Variants in ZFAND2A observed in about 807,000 individuals in gnomAD.
The protein encoded by ZFAND2A is zinc finger AN1-type containing 2A.
A neutral mutation model predicts 11.6 loss-of-function variants in ZFAND2A; 20 were observed. The observed-to-expected ratio is 1.72, with a 90% CI of 1.21 to 2.50. The LOEUF is 2.50. ZFAND2A is among the 30% of genes most tolerant of loss of function. The pLI, the probability that ZFAND2A is intolerant of heterozygous loss-of-function variation, is 0.00. For synonymous variants in ZFAND2A, 93 were observed against 60.6 expected (o/e 1.54, Z -2.48); for missense variants, 234 against 182.9 (o/e 1.28, Z -1.61).
intron 1 of ZFAND2A, among the ~76,000 whole-genome samples, chr7:1,159,449 G>A (rs1366031574): frequency 2.0e-5 from 3 of 150,184 alleles, no homozygotes; most frequent in Non-Finnish European, 3.0e-5. Flanking sequence ...CCAGCAGACA[G>A]CCGGACTCCC....
At chr7:1,152,390 G>C (rs201869709), downstream of ZFAND2A, 16 of 1,480,636 alleles carry the variant, frequency 1.1e-5, no homozygotes, top group Non-Finnish European at 1.5e-5. Context: ...TGTGCTGACC[G>C]CAAGAACCCA....
Position 1,158,269 on chromosome 7 carries a change from T to G in ZFAND2A, c.-45-12A>C. The G allele has an allele frequency of 6.5e-7, 1 of 1,531,970 alleles. No homozygotes were observed. Among genetic ancestry groups the G allele is most frequent in the South Asian group, 1.1e-5 (1 of 88,186 alleles). The allele number at this position is 1,531,970 out of a possible 1,614,324, so 94.9% of individuals were successfully genotyped here. On this transcript the variant is annotated splice_polypyrimidine_tract_variant and intron_variant, in intron 1 of 4. Transcript: ENST00000316495. ...GAGTTAAGTGTCACCTACAAGAGAA[T>G]CAGAATAGTTAGGAGGAAAGCTGGA...
chr7:1,155,019 G>A (rs1438942123), intron 4 of ZFAND2A, among the ~76,000 whole-genome samples: 1 of 152,232 alleles, frequency 6.6e-6, no homozygotes, highest in Non-Finnish European at 1.5e-5. Context: ...TCGGGAGGCT[G>A]AGACAGGAGA....
At chr7:1,157,788 G>A (rs770257284) in intron 2 of ZFAND2A, 38 bp from the exon 3 acceptor site, 3 of 1,442,446 alleles carry the variant, frequency 2.1e-6, no homozygotes, top group East Asian at 2.4e-5. Context: ...TTAACGACTG[G>A]AACAAAATAC....
In ZFAND2A at chr7:1,160,117, C is replaced by T. The variant is rs1188735132; in HGVS notation, c.-199G>A. The T allele has an allele frequency of 1.3e-5, 2 of 152,820 alleles. No homozygotes were observed. Among genetic ancestry groups the T allele is most frequent in the Non-Finnish European group, 2.9e-5 (2 of 68,272 alleles). 9.5% of individuals were successfully genotyped at this position (152,820 alleles called of 1,614,324 possible). A position where few individuals can be genotyped will look rare whatever the true frequency, so the allele number is the denominator to read the frequency against. ...GCCGTCGGAGGCACACCCACACCCACACCGGAACGCAACATCTCGCTGCCC... is the reference window on the plus strand; with the variant it reads ...GCCGTCGGAGGCACACCCACACCCATACCGGAACGCAACATCTCGCTGCCC... On this transcript the variant is annotated 5_prime_UTR_variant, in exon 1 of 5. It adds an upstream start codon to the 5' untranslated region. Transcript: ENST00000316495.
downstream of ZFAND2A, among the ~76,000 whole-genome samples, chr7:1,151,809 G>T (rs1043086081): frequency 6.9e-6 from 1 of 145,270 alleles, no homozygotes; most frequent in African/African-American, 2.6e-5. Context: ...GGGGATTCCC[G>T]TGAAGATGGC....
chr7:1,159,751 G>A (rs1407904562), intron 1 of ZFAND2A, among the ~76,000 whole-genome samples: 21 of 106,012 alleles, frequency 2.0e-4, no homozygotes, highest in Non-Finnish European at 3.1e-4. Flanking sequence ...CGGCAGGCCC[G>A]GTCCCCAGCA....
At chr7:1,158,086 G>T in intron 2 of ZFAND2A, 72 bp downstream of exon 2, 1 of 1,438,602 alleles carries the variant, frequency 7.0e-7, no homozygotes, top group Non-Finnish European at 9.8e-7. Flanking sequence ...ACAATTATCA[G>T]CTAATTAACA....
rs762274671 is a variant in ZFAND2A, at chr7:1,158,190, T to G, written c.23A>C (p.Lys8Thr). MEFPDLG[K>T]HCSEKTCKQL... ...CTTGCAAGTCTTTTCTGAACAATGC[T>G]TCCCCAAATCAGGAAACTCCATTAT... The change falls in exon 2 of 5, where the codon AAG becomes ACG. Residue 8 changes from lysine to threonine, a missense_variant. Physicochemically the swap from Lys to Thr is moderately conservative, Grantham distance 78 (BLOSUM62 -1). Transcript: ENST00000316495. 2 of 1,614,182 alleles carry G rather than the reference T, an allele frequency of 1.2e-6. No homozygotes were observed. Among genetic ancestry groups the G allele is most frequent in the East Asian group, 4.5e-5 (2 of 44,888 alleles).
At chr7:1,158,012 T>C in intron 2 of ZFAND2A, 146 bp downstream of exon 2, 1 of 862,138 alleles carries the variant, frequency 1.2e-6, no homozygotes, top group Non-Finnish European at 1.8e-6. Context: ...TGGTGGATGC[T>C]AAGTGTCAAA....
intron 1 of ZFAND2A, 46 bp from the exon 2 acceptor site, chr7:1,158,303 C>T: frequency 8.6e-7 from 1 of 1,157,028 alleles, no homozygotes; most frequent in Non-Finnish European, 1.3e-6. Context: ...GACTGCCCTT[C>T]AGTCACCAGG....
At chr7:1,158,010 G>T in intron 2 of ZFAND2A, 148 bp downstream of exon 2, 1 of 849,090 alleles carries the variant, frequency 1.2e-6, no homozygotes, top group Non-Finnish European at 1.9e-6. Flanking sequence ...TCTGGTGGAT[G>T]CTAAGTGTCA....
chr7:1,148,957 C>T (rs1342679914), downstream of ZFAND2A, among the ~76,000 whole-genome samples: 1 of 150,692 alleles, frequency 6.6e-6, no homozygotes, highest in African/African-American at 2.4e-5. Flanking sequence ...CATGCACCAT[C>T]TGTCTGGCTA....
At chr7:1,152,522 C>G (rs1214112109), downstream of ZFAND2A, among the ~76,000 whole-genome samples, 1 of 152,186 alleles carries the variant, frequency 6.6e-6, no homozygotes, top group East Asian at 1.9e-4. Context: ...ATTAGCATTA[C>G]GAGTTGAATC....
chr7:1,157,562 A>T, intron 3 of ZFAND2A, 94 bp downstream of exon 3: 1 of 1,222,280 alleles, frequency 8.2e-7, no homozygotes, highest in Admixed American at 2.6e-5. Context: ...ATTTTCAATG[A>T]GTTAGCCATA....
At chr7:1,159,431 C>T (rs532383864) in intron 1 of ZFAND2A, among the ~76,000 whole-genome samples, 4 of 152,312 alleles carry the variant, frequency 2.6e-5, no homozygotes, top group East Asian at 1.9e-4. Context: ...CGATGGCAGG[C>T]CCGGCCCCCA....
At chr7:1,151,216 G>A (rs898331775), downstream of ZFAND2A, among the ~76,000 whole-genome samples, 1 of 151,888 alleles carries the variant, frequency 6.6e-6, no homozygotes. Flanking sequence ...GAAGTTGACC[G>A]TGGCAGGGAC....
chr7:1,153,423 TCA>T (rs1793446718), intron 4 of ZFAND2A, among the ~76,000 whole-genome samples, 199 bp from the exon 5 acceptor site: 1 of 152,108 alleles, frequency 6.6e-6, no homozygotes, highest in Admixed American at 6.5e-5. Context: ...TTGTCTATTT[TCA>T]CAGAGATGGG....
At chr7:1,156,596 T>C (rs1436705274) in intron 3 of ZFAND2A, among the ~76,000 whole-genome samples, 1 of 149,712 alleles carries the variant, frequency 6.7e-6, no homozygotes, top group South Asian at 2.1e-4. Context: ...TCCGAAGGGG[T>C]GGACCGCCCA....
Sources: allele counts gnomAD v4.1 joint callset (sites outside exome capture counted in the v4.1 genomes callset), GRCh38; gene constraint gnomAD v4.1.1; transcripts MANE v1.5; gene names NCBI Gene and HGNC (gene_info 2026-07-23, HGNC 2026-07-21).